ARB2A: variants seen among roughly 807,000 people sequenced by gnomAD.
The protein encoded by ARB2A is ARB2 cotranscriptional regulator A.
the ARB2A span, among the ~76,000 whole-genome samples, chr5:93,712,878 A>T: frequency 6.6e-6 from 1 of 152,186 alleles, no homozygotes; most frequent in Non-Finnish European, 1.5e-5. Context: ...ATGGAACAGA[A>T]TAGAGAACCC....
chr5:93,684,071 T>G, the ARB2A span, among the ~76,000 whole-genome samples: 1 of 152,324 alleles, frequency 6.6e-6, no homozygotes, highest in Admixed American at 6.5e-5. Flanking sequence ...TAAGCCATGA[T>G]AGCAATGACC....
chr5:94,009,825 T>G, the ARB2A span, among the ~76,000 whole-genome samples: 13 of 152,162 alleles, frequency 8.5e-5, no homozygotes, highest in African/African-American at 3.1e-4. Context: ...TAGTATAAAG[T>G]TATTCATAAA....
the ARB2A span, among the ~76,000 whole-genome samples, chr5:94,099,624 CAAAAAAAAA>C: frequency 1.5e-4 from 2 of 13,648 alleles, no homozygotes; most frequent in Non-Finnish European, 3.7e-4. Flanking sequence ...GACTCCGTCT[CAAAAAAAAA>C]AAAAAAAAAA....
At chr5:94,025,265 T>C in the ARB2A span, among the ~76,000 whole-genome samples, 2 of 152,170 alleles carry the variant, frequency 1.3e-5, no homozygotes, top group Non-Finnish European at 2.9e-5. Flanking sequence ...AAGTCCAAGA[T>C]CAAGGTGCTA....
chr5:93,748,253 T>C, the ARB2A span, among the ~76,000 whole-genome samples: 3 of 151,966 alleles, frequency 2.0e-5, no homozygotes, highest in Admixed American at 6.6e-5. Flanking sequence ...AAGGAGAGTA[T>C]AGAAGAATAT....
the ARB2A span, among the ~76,000 whole-genome samples, chr5:93,645,680 G>C: frequency 6.6e-6 from 1 of 151,868 alleles, no homozygotes; most frequent in Non-Finnish European, 1.5e-5. Flanking sequence ...TATCTAAAAT[G>C]ATTGTTAGAG....
the ARB2A span, chr5:93,621,166 C>T: frequency 6.4e-7 from 1 of 1,554,404 alleles, no homozygotes; most frequent in Non-Finnish European, 8.7e-7. Flanking sequence ...CAGGTGGCCA[C>T]GCGGGGCCAG....
the ARB2A span, among the ~76,000 whole-genome samples, chr5:93,677,317 A>C: frequency 6.6e-6 from 1 of 152,260 alleles, no homozygotes; most frequent in Non-Finnish European, 1.5e-5. Flanking sequence ...CTGTCTTAAC[A>C]GTATACACAG....
the ARB2A span, among the ~76,000 whole-genome samples, chr5:93,631,863 T>C: frequency 1.3e-5 from 2 of 151,992 alleles, no homozygotes; most frequent in African/African-American, 2.4e-5. Context: ...ACAGAATGAA[T>C]TGCAAAATGC....
the ARB2A span, among the ~76,000 whole-genome samples, chr5:93,855,352 C>T: frequency 6.6e-6 from 1 of 152,072 alleles, no homozygotes; most frequent in Non-Finnish European, 1.5e-5. Context: ...CTATGTGTGT[C>T]TCTGCATGTG....
the ARB2A span, among the ~76,000 whole-genome samples, chr5:93,851,888 A>G: frequency 7.2e-5 from 11 of 152,112 alleles, no homozygotes; most frequent in African/African-American, 2.7e-4. Flanking sequence ...AGTCTTTGCT[A>G]TTGTGAATAG....
chr5:93,781,017 C>T, the ARB2A span, among the ~76,000 whole-genome samples: 6 of 152,082 alleles, frequency 3.9e-5, no homozygotes, highest in Non-Finnish European at 7.4e-5. Context: ...TTTATCACAT[C>T]CTTTCTTTTT....
chr5:93,881,245 C>A, the ARB2A span: 1 of 355,572 alleles, frequency 2.8e-6, no homozygotes, highest in African/African-American at 2.1e-5. Context: ...CAAAAGGAAA[C>A]AGAATTTGCA....
At chr5:94,046,171 A>G in the ARB2A span, among the ~76,000 whole-genome samples, 1 of 152,034 alleles carries the variant, frequency 6.6e-6, no homozygotes, top group South Asian at 2.1e-4. Flanking sequence ...ATTATGGAAT[A>G]TTATAGCAAA....
chr5:93,811,356 C>A, the ARB2A span, among the ~76,000 whole-genome samples: 2 of 152,150 alleles, frequency 1.3e-5, no homozygotes, highest in African/African-American at 4.8e-5. Flanking sequence ...TCTAATTTTA[C>A]ATTTTCCACA....
chr5:93,933,450 C>A, the ARB2A span, among the ~76,000 whole-genome samples: 1 of 152,182 alleles, frequency 6.6e-6, no homozygotes, highest in African/African-American at 2.4e-5. Flanking sequence ...AGCACATATA[C>A]ACCATGGAGT....
chr5:94,067,438 T>A, the ARB2A span, among the ~76,000 whole-genome samples: 2 of 152,118 alleles, frequency 1.3e-5, no homozygotes, highest in Admixed American at 1.3e-4. Context: ...TAGAAAAACC[T>A]AAAGACTCCA....
At chr5:94,104,587 G>A in the ARB2A span, among the ~76,000 whole-genome samples, 1 of 151,864 alleles carries the variant, frequency 6.6e-6, no homozygotes, top group Non-Finnish European at 1.5e-5. Flanking sequence ...ATAAAGAAGA[G>A]CTGAAACCAA....
the ARB2A span, among the ~76,000 whole-genome samples, chr5:93,820,437 T>C: frequency 6.6e-6 from 1 of 152,164 alleles, no homozygotes; most frequent in Non-Finnish European, 1.5e-5. Context: ...AAAAAGATGA[T>C]GAAGAAGGTC....
Sources: gnomAD v4.1 joint callset for allele counts (sites outside exome capture counted in the v4.1 genomes callset) on GRCh38, gnomAD v4.1.1 for gene constraint, MANE v1.5 for transcripts, NCBI Gene and HGNC (gene_info 2026-07-23, HGNC 2026-07-21) for gene names.